GFRA2: variants seen among roughly 807,000 people sequenced by gnomAD.
GFRA2 encodes GDNF family receptor alpha-2.
Under a neutral mutation model 48.3 loss-of-function variants are expected in GFRA2, and 17 were observed. The ratio of observed to expected loss-of-function variants is 0.35; its 90% CI spans 0.24 to 0.53. GFRA2 has a LOEUF of 0.53. Among genes scored for constraint, GFRA2 ranks in the 20% least tolerant of loss-of-function variants. The pLI, the probability that GFRA2 is intolerant of heterozygous loss-of-function variation, is 0.93. For missense variants in GFRA2, 660 were observed against 637.3 expected, an observed-to-expected ratio of 1.04 and a Z score of -0.38; for synonymous variants, 305 against 257.2, an observed-to-expected ratio of 1.19 and a Z score of -1.78.
At chr8:21,780,253 C>T (rs774450473) in intron 2 of GFRA2, among the ~76,000 whole-genome samples, 1 of 152,122 alleles carries the variant, frequency 6.6e-6, no homozygotes, top group Non-Finnish European at 1.5e-5. Context: ...ATGGCCGGCA[C>T]GGGGAGCATG....
chr8:21,702,892 C>T lies in GFRA2; in HGVS notation c.1131G>A (p.Arg377=), dbSNP rs1361617911. The change falls in exon 7 of 9, where the codon CGG becomes CGA. Residue 377 remains arginine (R), a synonymous_variant. Transcript: ENST00000524240. ...CTGGCAAAGAAGGCGTCTTCTCCAC[C>T]CGAGGGGCCTGGGTGGCCTGGAACG... ...GPSFQATQAP[R]VEKTPSLPDD... 3 of 1,605,238 alleles carry T rather than the reference C, an allele frequency of 1.9e-6. No individual in the cohort carries two copies. Among genetic ancestry groups the T allele is most frequent in the Non-Finnish European group, 2.6e-6 (3 of 1,176,036 alleles).
chr8:21,696,951 G>C (rs1802211492), intron 7 of GFRA2, among the ~76,000 whole-genome samples: 1 of 138,096 alleles, frequency 7.2e-6, no homozygotes, highest in African/African-American at 2.7e-5. Context: ...AAGGGGGAGG[G>C]GACAGAGGAA....
chr8:21,761,127 C>T (rs1028076031), intron 3 of GFRA2, among the ~76,000 whole-genome samples: 3 of 152,190 alleles, frequency 2.0e-5, no homozygotes, highest in Non-Finnish European at 2.9e-5. Flanking sequence ...CTCCACACCT[C>T]ATGCTGGATG....
chr8:21,763,923 C>T (rs1232602061), intron 3 of GFRA2, among the ~76,000 whole-genome samples: 1 of 150,594 alleles, frequency 6.6e-6, no homozygotes, highest in Non-Finnish European at 1.5e-5. Flanking sequence ...TCCATGCTGG[C>T]TCCTGAGCAG....
At chr8:21,725,659 A>T (rs1028813328) in intron 4 of GFRA2, among the ~76,000 whole-genome samples, 9 of 152,224 alleles carry the variant, frequency 5.9e-5, no homozygotes, top group Non-Finnish European at 1.2e-4. Flanking sequence ...ACACCCTGAG[A>T]TACACAGGTA....
intron 3 of GFRA2, among the ~76,000 whole-genome samples, chr8:21,762,772 C>T (rs1418807922): frequency 1.3e-5 from 2 of 152,006 alleles, no homozygotes; most frequent in Non-Finnish European, 2.9e-5. Flanking sequence ...TTTTTTCAAC[C>T]GCTTTTGAGT....
chr8:21,711,197 C>T (rs939950906), intron 4 of GFRA2, among the ~76,000 whole-genome samples: 1 of 152,256 alleles, frequency 6.6e-6, no homozygotes, highest in African/African-American at 2.4e-5. Flanking sequence ...CACTCCTGGA[C>T]TCTGGTCTTG....
intron 4 of GFRA2, among the ~76,000 whole-genome samples, chr8:21,721,953 A>G (rs1803620369): frequency 6.6e-6 from 1 of 152,200 alleles, no homozygotes; most frequent in South Asian, 2.1e-4. Flanking sequence ...TATTTTTCCT[A>G]TCAGGCAAAT....
intron 8 of GFRA2, among the ~76,000 whole-genome samples, chr8:21,693,843 CCT>C (rs1321709012): frequency 1.6e-3 from 1 of 630 alleles, no homozygotes; most frequent in African/African-American, 5.4e-3. Flanking sequence ...CCACATTCGC[CCT>C]GTTTCTCAAT....
chr8:21,695,850 C>T (rs1314117301), intron 7 of GFRA2, among the ~76,000 whole-genome samples: 6 of 152,162 alleles, frequency 3.9e-5, no homozygotes, highest in Non-Finnish European at 7.4e-5. Flanking sequence ...GCTCAGTCAC[C>T]TCAGTCCCTA....
At chr8:21,726,180 C>T (rs907607147) in intron 4 of GFRA2, among the ~76,000 whole-genome samples, 13 of 152,216 alleles carry the variant, frequency 8.5e-5, no homozygotes, top group Admixed American at 7.8e-4. Context: ...GGCACCCACG[C>T]ACTTCCTATC....
intron 6 of GFRA2, among the ~76,000 whole-genome samples, chr8:21,703,527 C>T (rs1802587712): frequency 6.6e-6 from 1 of 152,200 alleles, no homozygotes; most frequent in Non-Finnish European, 1.5e-5. Flanking sequence ...AAAATCTCCG[C>T]CTCCACGAGC....
intron 2 of GFRA2, among the ~76,000 whole-genome samples, chr8:21,803,736 G>T (rs1204751693): frequency 2.0e-5 from 3 of 152,160 alleles, no homozygotes; most frequent in African/African-American, 7.2e-5. Context: ...ATGTGCAAAT[G>T]ATCCTCCCAC....
At chr8:21,697,555 G>A (rs1233568705) in intron 7 of GFRA2, among the ~76,000 whole-genome samples, 1 of 152,044 alleles carries the variant, frequency 6.6e-6, no homozygotes, top group Non-Finnish European at 1.5e-5. Context: ...GAGAAAGAGA[G>A]ACCACCTCTG....
chr8:21,756,534 T>A (rs1409539666), intron 3 of GFRA2, among the ~76,000 whole-genome samples: 1 of 152,172 alleles, frequency 6.6e-6, no homozygotes, highest in South Asian at 2.1e-4. Flanking sequence ...CACTGCCATC[T>A]GCAGCAGAAA....
At chr8:21,786,700 G>A (rs922652011) in intron 1 of GFRA2, among the ~76,000 whole-genome samples, 2 of 152,184 alleles carry the variant, frequency 1.3e-5, no homozygotes, top group Non-Finnish European at 1.5e-5. Context: ...CCCCCTTGGG[G>A]ACTCGCACCT....
chr8:21,752,694 A>C (rs1348416232), intron 3 of GFRA2, among the ~76,000 whole-genome samples: 1 of 151,714 alleles, frequency 6.6e-6, no homozygotes, highest in African/African-American at 2.4e-5. Flanking sequence ...TAATACCCAA[A>C]TCTCACACTT....
At chr8:21,693,810 G>GA (rs371518617) in intron 8 of GFRA2, among the ~76,000 whole-genome samples, 1 of 149,926 alleles carries the variant, frequency 6.7e-6, no homozygotes, top group Non-Finnish European at 1.5e-5. Flanking sequence ...AAGGGAAGGG[G>GA]AGGGGAGGGG....
At chr8:21,808,140 C>T (rs894571058) in intron 1 of GFRA2, among the ~76,000 whole-genome samples, 1 of 152,180 alleles carries the variant, frequency 6.6e-6, no homozygotes, top group Admixed American at 6.5e-5. Context: ...TTAACACATC[C>T]TCCGAAATTG....
Sources: allele counts gnomAD v4.1 joint callset (sites outside exome capture counted in the v4.1 genomes callset), GRCh38; gene constraint gnomAD v4.1.1; transcripts MANE v1.5; gene names NCBI Gene and HGNC (gene_info 2026-07-23, HGNC 2026-07-21).